Variants in KRAS observed in about 807,000 individuals in gnomAD.
The protein encoded by KRAS is GTPase KRas.
In KRAS, 1 loss-of-function variant was observed where a neutral mutation model predicts 21.0. The observed-to-expected ratio is 0.05, with a 90% CI of 0.02 to 0.23. The LOEUF is 0.23. Among genes scored for constraint, KRAS ranks in the 10% least tolerant of loss-of-function variants. The probability of loss-of-function intolerance (pLI) is 1.00; values close to 1 mark genes in which losing one functional copy is unlikely to be tolerated. For synonymous variants in KRAS, 67 were observed against 72.5 expected (o/e 0.92, Z 0.39); for missense variants, 107 against 221.8 (o/e 0.48, Z 3.29).
chr12:25,214,448 T>C (rs1338531437), intron 4 of KRAS, among the ~76,000 whole-genome samples: 1 of 151,306 alleles, frequency 6.6e-6, no homozygotes, highest in Non-Finnish European at 1.5e-5. Flanking sequence ...AGTGCAATGG[T>C]GCATTCTCAG....
At chr12:25,217,913 G>A (rs1035576976) in intron 4 of KRAS, among the ~76,000 whole-genome samples, 1 of 151,964 alleles carries the variant, frequency 6.6e-6, no homozygotes, top group Admixed American at 6.6e-5. Flanking sequence ...TTTTTTAATC[G>A]TTTTAAAGTT....
intron 1 of KRAS, among the ~76,000 whole-genome samples, chr12:25,247,386 C>T (rs920155923): frequency 3.9e-5 from 6 of 152,204 alleles, no homozygotes; most frequent in East Asian, 1.9e-4. Flanking sequence ...CACACGGTCA[C>T]GGCATAGTTC....
intron 4 of KRAS, among the ~76,000 whole-genome samples, chr12:25,212,008 G>GT (rs1306593563): frequency 1.3e-5 from 2 of 152,200 alleles, no homozygotes; most frequent in Non-Finnish European, 2.9e-5. Context: ...ATATGTATGT[G>GT]TATGTATCCC....
chr12:25,224,183 TAAAA>T (rs5797121), intron 4 of KRAS, among the ~76,000 whole-genome samples: 222 of 79,722 alleles, frequency 2.8e-3, no homozygotes, highest in African/African-American at 9.4e-3. Flanking sequence ...TCCTATTTAC[TAAAA>T]AAAAAAAAAA....
At chr12:25,225,825 T>C in intron 3 of KRAS, 52 bp from the exon 4 acceptor site, 10 of 1,528,478 alleles carry the variant, frequency 6.5e-6, no homozygotes, top group Non-Finnish European at 9.0e-6. Context: ...CAAATATCTT[T>C]CAAAACCTGT....
Position 25,206,601 on chromosome 12 carries a change from T to G in KRAS, c.*3194A>C, listed in dbSNP as rs1951141291. On this transcript the variant is annotated 3_prime_UTR_variant, in exon 5 of 5. Transcript: ENST00000311936. ...GGCCTAAATATCCCCTCATAAGCAC[T>G]GCAGTTCCTGAAGTATGGCCATTTC... 4.9e-6 allele frequency: 1 copy of G among 203,122 alleles called. No homozygotes were observed. The highest frequency in any genetic ancestry group is 1.9e-4 in the South Asian group (1 of 5,246). The allele number at this position is 203,122 out of a possible 1,614,324, so 12.6% of individuals were successfully genotyped here.
At chr12:25,242,607 A>G (rs1025585860) in intron 2 of KRAS, among the ~76,000 whole-genome samples, 1 of 152,298 alleles carries the variant, frequency 6.6e-6, no homozygotes, top group Non-Finnish European at 1.5e-5. Flanking sequence ...CCTCGAATAC[A>G]AACATACTCC....
intron 3 of KRAS, among the ~76,000 whole-genome samples, chr12:25,226,922 CTTT>C (rs968842558): frequency 6.6e-6 from 1 of 151,870 alleles, no homozygotes; most frequent in African/African-American, 2.4e-5. Context: ...TTATGGTTTT[CTTT>C]TTTAATGATG....
chr12:25,206,881 C>T lies in KRAS; in HGVS notation c.*2914G>A, dbSNP rs1022682778. Reference sequence around the variant, plus strand: ...TGGGTCAATATGAATATCTGACATACACCTTAATGTGTACAGTAATTGTCC... The same window carrying T: ...TGGGTCAATATGAATATCTGACATATACCTTAATGTGTACAGTAATTGTCC... On this transcript the variant is annotated 3_prime_UTR_variant, in exon 5 of 5. Coordinates refer to ENST00000311936, the MANE Select transcript of KRAS (RefSeq NM_004985.5). The T allele has an allele frequency of 4.5e-5, 9 of 200,762 alleles. No individual in the cohort carries two copies. The highest frequency in any genetic ancestry group is 1.8e-4 in the Admixed American group (3 of 16,614). The allele number at this position is 200,762 out of a possible 1,614,324, so 12.4% of individuals were successfully genotyped here.
At chr12:25,217,367 C>T (rs1951267378) in intron 4 of KRAS, among the ~76,000 whole-genome samples, 1 of 152,112 alleles carries the variant, frequency 6.6e-6, no homozygotes, top group African/African-American at 2.4e-5. Flanking sequence ...TAAAGTCAAA[C>T]TTTAATTTAA....
intron 4 of KRAS, chr12:25,215,516 T>C: frequency 1.2e-6 from 2 of 1,612,300 alleles, no homozygotes; most frequent in Non-Finnish European, 1.7e-6. Flanking sequence ...TCAATCTGTA[T>C]TGTCGGATCT....
chr12:25,248,800 C>G lies in KRAS; in HGVS notation c.-12+1951G>C, dbSNP rs61759624. On this transcript the variant is annotated intron_variant, in intron 1 of 4. Coordinates refer to ENST00000311936, the MANE Select transcript of KRAS (RefSeq NM_004985.5). ...AACAATTTTGTAATGGAAGAAAATTCATTTTTATTTTTCATAAAACTGAAT... is the reference window on the plus strand; with the variant it reads ...AACAATTTTGTAATGGAAGAAAATTGATTTTTATTTTTCATAAAACTGAAT... Among the ~76,000 whole-genome samples the G allele has an allele frequency of 4.1e-3, 621 of 151,888 alleles. 6 individuals are homozygous for G. The highest frequency in any genetic ancestry group is 0.014 in the African/African-American group (591 of 41,410).
At chr12:25,246,132 A>G (rs1951676864) in intron 1 of KRAS, among the ~76,000 whole-genome samples, 1 of 138,740 alleles carries the variant, frequency 7.2e-6, no homozygotes, top group South Asian at 2.4e-4. Context: ...CTGGCGATAG[A>G]GCAAGACTCC....
chr12:25,221,949 G>A (rs1951330711), intron 4 of KRAS, among the ~76,000 whole-genome samples: 1 of 152,072 alleles, frequency 6.6e-6, no homozygotes, highest in Admixed American at 6.6e-5. Context: ...AAGAGATCGA[G>A]ACCATCCTGG....
chr12:25,245,574 G>A (rs921414012), intron 1 of KRAS, among the ~76,000 whole-genome samples, 179 bp from the exon 2 acceptor site: 2 of 152,050 alleles, frequency 1.3e-5, no homozygotes, highest in Non-Finnish European at 2.9e-5. Flanking sequence ...GACGTGTATC[G>A]TAATGAACTG....
chr12:25,221,174 A>G lies in KRAS; in HGVS notation c.450+4440T>C, dbSNP rs191455519. ...CTTCTAGTAGCTAATCAAACACTAA[A>G]GTTACCCAGAGAATTAGGAATCAGC... On this transcript the variant is annotated intron_variant, in intron 4 of 4. Transcript: ENST00000311936. Among the ~76,000 whole-genome samples, 367 of 152,192 alleles carry G rather than the reference A, an allele frequency of 2.4e-3. 2 individuals carry two copies. Among genetic ancestry groups the G allele is most frequent in the Admixed American group, 5.4e-3 (82 of 15,272 alleles).
At position 25,238,175 on chromosome 12, in the gene KRAS, A is replaced by T. The variant is rs1048586802; in HGVS notation, c.111+7099T>A. 2.0e-5 allele frequency among the ~76,000 whole-genome samples: 3 copies of T among 152,264 alleles called. No individual in the cohort carries two copies. The East Asian group carries it at 5.8e-4, about 29-fold the overall frequency. Reference sequence around the variant, plus strand: ...GGTGAACATTAGCTTAGTACTAGAGAGAATTAAGTGTGTACTACTCCCAAG... The same window carrying T: ...GGTGAACATTAGCTTAGTACTAGAGTGAATTAAGTGTGTACTACTCCCAAG... On this transcript the variant is annotated intron_variant, in intron 2 of 4. Coordinates refer to ENST00000311936, the MANE Select transcript of KRAS (RefSeq NM_004985.5).
chr12:25,243,558 A>G (rs1951638171), intron 2 of KRAS, among the ~76,000 whole-genome samples: 1 of 152,188 alleles, frequency 6.6e-6, no homozygotes, highest in African/African-American at 2.4e-5. Flanking sequence ...ACTTTATCAC[A>G]TTCATGACGT....
At chr12:25,210,216 C>T (rs1357871977) in intron 4 of KRAS, among the ~76,000 whole-genome samples, 1 of 152,146 alleles carries the variant, frequency 6.6e-6, no homozygotes, top group African/African-American at 2.4e-5. Context: ...ATTTTTTCCA[C>T]ATTGGCAAAC....
Sources: allele counts gnomAD v4.1 joint callset (sites outside exome capture counted in the v4.1 genomes callset), GRCh38; gene constraint gnomAD v4.1.1; transcripts MANE v1.5; gene names NCBI Gene and HGNC (gene_info 2026-07-23, HGNC 2026-07-21).